Variants in LANCL2 observed in about 807,000 individuals in gnomAD.
The protein encoded by LANCL2 is lanC-like protein 2.
A neutral mutation model predicts 56.9 loss-of-function variants in LANCL2; 33 were observed. The ratio of observed to expected loss-of-function variants is 0.58; its 90% CI spans 0.44 to 0.78. LANCL2 has a LOEUF of 0.78. LANCL2 is among the 30% of genes least tolerant of loss of function. LANCL2 has a pLI of 0.00. For missense variants in LANCL2, 562 were observed against 580.2 expected (o/e 0.97, Z 0.32); for synonymous variants, 233 against 228.2 (o/e 1.02, Z -0.19).
In LANCL2 at chr7:55,366,067, AG is replaced by A; in HGVS notation, c.46del (p.Glu16ArgfsTer59). ...CAAAGAGGCTGAAGCTCCACCTGGG[AG>A]GGGAGGCAGAAATGGAGGAACGGGC... ...MSKRLKLHLG[G>X]EAEMEERAFV... On this transcript the variant is annotated frameshift_variant, in exon 1 of 9. Transcript: ENST00000254770. LOFTEE classifies it high-confidence loss of function. The A allele has an allele frequency of 6.5e-7, 1 of 1,526,998 alleles. No homozygotes were observed. The allele number at this position is 1,526,998 out of a possible 1,614,324, so 94.6% of individuals were successfully genotyped here.
chr7:55,391,109 C>T (rs946511434), intron 1 of LANCL2, among the ~76,000 whole-genome samples: 16 of 150,952 alleles, frequency 1.1e-4, no homozygotes, highest in East Asian at 2.0e-4. Flanking sequence ...CTCCGCCTCC[C>T]GGGTTCACGC....
chr7:55,419,721 A>G (rs1477814114), intron 6 of LANCL2, among the ~76,000 whole-genome samples: 1 of 152,152 alleles, frequency 6.6e-6, no homozygotes, highest in Admixed American at 6.5e-5. Context: ...TCTTGATATT[A>G]GTAATTTATG....
At position 55,391,900 on chromosome 7, in the gene LANCL2, T is replaced by G; in HGVS notation, c.312T>G (p.Thr104=). 1 of 1,577,002 alleles carries G rather than the reference T, an allele frequency of 6.3e-7. No homozygotes were observed. The highest frequency in any genetic ancestry group is 2.2e-5 in the East Asian group (1 of 44,604). The part of the protein sequence containing the change: ...TADPHDCSAY[T]GWTGIALLYL... The stretch of plus-strand genomic sequence containing the variant: ...ATCCCCATGACTGCTCTGCTTATAC[T>G]GGCTGGACAGGTGAGGCTGTGGGGT... The change falls in exon 2 of 9, where the codon ACT becomes ACG. Residue 104 remains threonine (T), a synonymous_variant. Coordinates refer to ENST00000254770, the MANE Select transcript of LANCL2 (RefSeq NM_018697.4).
intron 5 of LANCL2, among the ~76,000 whole-genome samples, chr7:55,409,712 G>A (rs190134438): frequency 1.3e-5 from 2 of 152,258 alleles, no homozygotes; most frequent in East Asian, 3.9e-4. Flanking sequence ...GTCGCCTCCA[G>A]GGAAAGCAAA....
chr7:55,427,803 C>T (rs1790680941), intron 7 of LANCL2, among the ~76,000 whole-genome samples: 1 of 152,154 alleles, frequency 6.6e-6, no homozygotes, highest in African/African-American at 2.4e-5. Context: ...GATATGGAAA[C>T]ACCCATTGAA....
At chr7:55,392,434 T>G (rs536651984) in intron 2 of LANCL2, among the ~76,000 whole-genome samples, 44 of 151,624 alleles carry the variant, frequency 2.9e-4, no homozygotes, top group African/African-American at 1.1e-3. Context: ...CTCTACAGCC[T>G]TGACCTCCTG....
At chr7:55,409,772 A>G (rs576780558) in intron 5 of LANCL2, among the ~76,000 whole-genome samples, 78 of 152,366 alleles carry the variant, frequency 5.1e-4, no homozygotes, top group African/African-American at 1.9e-3. Flanking sequence ...GACTTTTTAC[A>G]GAGCTGTTGG....
At chr7:55,408,540 G>C (rs1790436304) in intron 5 of LANCL2, among the ~76,000 whole-genome samples, 1 of 152,108 alleles carries the variant, frequency 6.6e-6, no homozygotes, top group Admixed American at 6.5e-5. Context: ...CTCATAGCGG[G>C]CACCTGCAAT....
chr7:55,423,121 T>G (rs1790626545), intron 6 of LANCL2, among the ~76,000 whole-genome samples: 1 of 152,254 alleles, frequency 6.6e-6, no homozygotes, highest in Non-Finnish European at 1.5e-5. Context: ...TAATACAATG[T>G]GGAGAAGATG....
At chr7:55,429,608 C>A (rs1397879794) in intron 8 of LANCL2, among the ~76,000 whole-genome samples, 1 of 152,154 alleles carries the variant, frequency 6.6e-6, no homozygotes, top group Non-Finnish European at 1.5e-5. Context: ...AGAAGATGAT[C>A]TTTTTTAATA....
chr7:55,372,961 G>A (rs1789961526), intron 1 of LANCL2, among the ~76,000 whole-genome samples: 1 of 152,174 alleles, frequency 6.6e-6, no homozygotes, highest in Admixed American at 6.5e-5. Context: ...TGATGGTGGT[G>A]AGATGATAAG....
chr7:55,431,416 A>G lies in LANCL2; in HGVS notation c.*96A>G. The G allele has an allele frequency of 1.2e-6, 1 of 825,582 alleles. No individual in the cohort carries two copies. The highest frequency in any genetic ancestry group is 2.5e-5 in the East Asian group (1 of 39,624). The allele number at this position is 825,582 out of a possible 1,614,324, so 51.1% of individuals were successfully genotyped here. A position where few individuals can be genotyped will look rare whatever the true frequency, so the allele number is the denominator to read the frequency against. ...AAACAACTGGGAATCCTGAAAGAGA[A>G]GCAGACACCGTCACAGGCCCCTCTG... On this transcript the variant is annotated 3_prime_UTR_variant, in exon 9 of 9. Transcript: ENST00000254770.
chr7:55,368,223 TG>T (rs1789897155), intron 1 of LANCL2, among the ~76,000 whole-genome samples: 1 of 152,234 alleles, frequency 6.6e-6, no homozygotes, highest in Non-Finnish European at 1.5e-5. Context: ...GTTTTGAAAT[TG>T]GGTATTTTTC....
intron 5 of LANCL2, 42 bp downstream of exon 5, chr7:55,401,362 A>G (rs200888580): frequency 3.9e-6 from 6 of 1,544,282 alleles, no homozygotes; most frequent in East Asian, 4.5e-5. Context: ...TATTTGATCA[A>G]ACATGAAATG....
At chr7:55,412,327 AAAAG>A (rs1259781931) in intron 6 of LANCL2, among the ~76,000 whole-genome samples, 1 of 152,246 alleles carries the variant, frequency 6.6e-6, no homozygotes, top group Non-Finnish European at 1.5e-5. Context: ...ATTCATGTGT[AAAAG>A]AAAACCTAGA....
At chr7:55,367,018 G>A (rs1051291884) in intron 1 of LANCL2, among the ~76,000 whole-genome samples, 6 of 152,096 alleles carry the variant, frequency 3.9e-5, no homozygotes, top group South Asian at 2.1e-4. Flanking sequence ...ATGTTTTACA[G>A]GAGTTTTCTC....
At chr7:55,390,318 A>G (rs1435557111) in intron 1 of LANCL2, among the ~76,000 whole-genome samples, 1 of 152,174 alleles carries the variant, frequency 6.6e-6, no homozygotes, top group African/African-American at 2.4e-5. Flanking sequence ...AAAATCAGCA[A>G]AGGTGGGCCA....
chr7:55,365,916 C>G lies in LANCL2; in HGVS notation c.-110C>G. The stretch of plus-strand genomic sequence containing the variant: ...CCTCCCGCCAGCGCGCGGCCTCGCT[C>G]CTCCTAGAGGACGCTCTCTGCGCGG... On this transcript the variant is annotated 5_prime_UTR_variant, in exon 1 of 9. Transcript: ENST00000254770. The G allele has an allele frequency of 1.2e-6, 1 of 847,710 alleles. No individual in the cohort carries two copies. The highest frequency in any genetic ancestry group is 3.3e-5 in the East Asian group (1 of 30,016). The allele number at this position is 847,710 out of a possible 1,614,324, so 52.5% of individuals were successfully genotyped here.
intron 2 of LANCL2, among the ~76,000 whole-genome samples, chr7:55,397,784 G>C (rs1790272639): frequency 6.6e-6 from 1 of 150,562 alleles, no homozygotes; most frequent in African/African-American, 2.4e-5. Flanking sequence ...GAAGACCTGA[G>C]TCTGTTCTTT....
Sources: gnomAD v4.1 joint callset for allele counts (sites outside exome capture counted in the v4.1 genomes callset) on GRCh38, gnomAD v4.1.1 for gene constraint, MANE v1.5 for transcripts, NCBI Gene and HGNC (gene_info 2026-07-23, HGNC 2026-07-21) for gene names.